The following SPRR2G variants were observed in gnomAD, a reference collection of about 807,000 sequenced individuals.
SPRR2G encodes small proline rich protein 2G.
In SPRR2G, 1 loss-of-function variant was observed where a neutral mutation model predicts 0.7. The ratio of observed to expected loss-of-function variants is 1.49; its 90% CI spans 0.53 to 7.06. The LOEUF (loss-of-function observed/expected upper bound fraction) is 7.06, where lower values mean the gene tolerates loss of function less well. SPRR2G is among the 30% of genes most tolerant of loss of function. The probability of loss-of-function intolerance (pLI) is 0.14; values close to 1 mark genes in which losing one functional copy is unlikely to be tolerated. For synonymous variants in SPRR2G, 38 were observed against 33.9 expected (o/e 1.12, Z -0.42); for missense variants, 96 against 88.5 (o/e 1.09, Z -0.34).
the SPRR2G span, among the ~76,000 whole-genome samples, chr1:153,193,970 T>C: frequency 6.6e-6 from 1 of 152,148 alleles, no homozygotes; most frequent in Non-Finnish European, 1.5e-5. Flanking sequence ...CAGCTGTAGA[T>C]GAAGAAACCA....
At chr1:153,188,118 T>G in the SPRR2G span, among the ~76,000 whole-genome samples, 1 of 152,118 alleles carries the variant, frequency 6.6e-6, no homozygotes, top group African/African-American at 2.4e-5. Context: ...CAGCCAGAGC[T>G]CTCCTGTATG....
chr1:153,169,734 C>T, the SPRR2G span, among the ~76,000 whole-genome samples: 5 of 152,268 alleles, frequency 3.3e-5, no homozygotes, highest in South Asian at 2.1e-4. Context: ...GCATGAAGCT[C>T]AATTGTGTAT....
the SPRR2G span, among the ~76,000 whole-genome samples, chr1:153,197,031 G>A: frequency 1.3e-5 from 2 of 152,204 alleles, no homozygotes; most frequent in African/African-American, 2.4e-5. Context: ...TTTACCCACA[G>A]GATCCTTCCC....
At chr1:153,159,826 C>T in the SPRR2G span, among the ~76,000 whole-genome samples, 1 of 152,174 alleles carries the variant, frequency 6.6e-6, no homozygotes, top group Non-Finnish European at 1.5e-5. Context: ...CTCATAAGAA[C>T]TCGCACACTA....
rs509194 is a variant in SPRR2G at position 153,149,695 on chromosome 1, G to A, written c.*194C>T. On this transcript the variant is annotated 3_prime_UTR_variant, in exon 2 of 2. Coordinates refer to ENST00000368748, the MANE Select transcript of SPRR2G (RefSeq NM_001014291.4). ...ACAGACAGCAAAGCGAGATTAGGCA[G>A]TGATCTGGCTGCTCATCTTCCAACA... 385,851 of 697,126 alleles carry A rather than the reference G, an allele frequency of 0.55. 108,227 individuals carry two copies. The highest frequency in any genetic ancestry group is 0.68 in the East Asian group (24,892 of 36,652). The allele number at this position is 697,126 out of a possible 1,614,324, so 43.2% of individuals were successfully genotyped here.
the SPRR2G span, among the ~76,000 whole-genome samples, chr1:153,173,808 G>C: frequency 6.6e-5 from 10 of 152,280 alleles, no homozygotes; most frequent in African/African-American, 2.4e-4. Context: ...CAAGACTCAA[G>C]TCTCTCACTG....
chr1:153,182,536 C>T, the SPRR2G span, among the ~76,000 whole-genome samples: 1 of 152,110 alleles, frequency 6.6e-6, no homozygotes, highest in African/African-American at 2.4e-5. Context: ...CTCTCCCTCC[C>T]CTTGTATTCC....
At chr1:153,175,435 C>A in the SPRR2G span, among the ~76,000 whole-genome samples, 1 of 152,194 alleles carries the variant, frequency 6.6e-6, no homozygotes, top group South Asian at 2.1e-4. Flanking sequence ...CTGGGTTTGG[C>A]TTAACAGGCC....
At chr1:153,189,496 G>C in the SPRR2G span, among the ~76,000 whole-genome samples, 1 of 151,910 alleles carries the variant, frequency 6.6e-6, no homozygotes, top group African/African-American at 2.4e-5. Flanking sequence ...GAACTTATAA[G>C]AGCTGTCTCT....
chr1:153,181,016 T>C, the SPRR2G span, among the ~76,000 whole-genome samples: 4 of 152,162 alleles, frequency 2.6e-5, no homozygotes, highest in Non-Finnish European at 5.9e-5. Flanking sequence ...ATATATGTTC[T>C]GGGAACAAGC....
the SPRR2G span, among the ~76,000 whole-genome samples, chr1:153,200,930 A>G: frequency 6.6e-6 from 1 of 151,926 alleles, no homozygotes; most frequent in Non-Finnish European, 1.5e-5. Flanking sequence ...CTGGTCTCAA[A>G]CTCCTGACCT....
the SPRR2G span, among the ~76,000 whole-genome samples, chr1:153,195,922 T>C: frequency 1.3e-5 from 2 of 152,124 alleles, no homozygotes; most frequent in South Asian, 2.1e-4. Context: ...TGGGCCTCCA[T>C]AGGTGGTGAG....
rs752522921 is a variant in SPRR2G at position 153,149,920 on chromosome 1, C to A, written c.191G>T (p.Cys64Phe). 16 of 1,613,994 alleles carry A rather than the reference C, an allele frequency of 9.9e-6. No homozygotes were observed. Among genetic ancestry groups the A allele is most frequent in the Non-Finnish European group, 1.4e-5 (16 of 1,180,002 alleles). Residue 64 changes from cysteine to phenylalanine, a missense_variant, in exon 2 of 2, where the codon TGC (cysteine) becomes TTC (phenylalanine). By Grantham distance (205) the Cys-to-Phe change is radical. Transcript: ENST00000368748. ...KCPPVQPYPP[C>F]QQKYPPKSK is the part of the protein sequence containing the mutation. The stretch of plus-strand genomic sequence containing the variant: ...GCTCTTGGGTGGATACTTCTGCTGG[C>A]AGGGTGGGTATGGTTGCACAGGAGG...
chr1:153,159,479 T>C, the SPRR2G span, among the ~76,000 whole-genome samples: 2 of 152,236 alleles, frequency 1.3e-5, no homozygotes, highest in African/African-American at 4.8e-5. Flanking sequence ...TTCCCACATC[T>C]TCCTGTCTTC....
chr1:153,181,492 C>G, the SPRR2G span, among the ~76,000 whole-genome samples: 1 of 152,116 alleles, frequency 6.6e-6, no homozygotes, highest in Non-Finnish European at 1.5e-5. Flanking sequence ...TAATATCAGT[C>G]ATTAGAACTT....
chr1:153,153,668 G>A (rs1656519521), upstream of SPRR2G, among the ~76,000 whole-genome samples: 1 of 152,056 alleles, frequency 6.6e-6, no homozygotes, highest in South Asian at 2.1e-4. Flanking sequence ...GAAAGAAGAG[G>A]AAAGGGGAAA....
chr1:153,200,721 A>G, the SPRR2G span, among the ~76,000 whole-genome samples: 3 of 143,306 alleles, frequency 2.1e-5, no homozygotes, highest in African/African-American at 8.0e-5. Flanking sequence ...TTTTTTTGAG[A>G]CGGAGTCTCA....
At chr1:153,153,851 A>C (rs1656523266), upstream of SPRR2G, among the ~76,000 whole-genome samples, 1 of 152,142 alleles carries the variant, frequency 6.6e-6, no homozygotes, top group Non-Finnish European at 1.5e-5. Flanking sequence ...AAATAATAGA[A>C]TTAGAAATGA....
At chr1:153,167,490 GA>G in the SPRR2G span, among the ~76,000 whole-genome samples, 4 of 52,088 alleles carry the variant, frequency 7.7e-5, no homozygotes, top group African/African-American at 2.0e-4. Context: ...AAACAAAAAA[GA>G]AAAAGAAAAA....
Sources: allele counts gnomAD v4.1 joint callset (sites outside exome capture counted in the v4.1 genomes callset), GRCh38; gene constraint gnomAD v4.1.1; transcripts MANE v1.5; gene names NCBI Gene and HGNC (gene_info 2026-07-23, HGNC 2026-07-21).